PCSK2: variants seen among roughly 807,000 people sequenced by gnomAD.
PCSK2 encodes proprotein convertase subtilisin/kexin type 2, also known as neuroendocrine convertase 2.
PCSK2 carries 14 observed loss-of-function variants against 69.7 expected under a neutral mutation model. The ratio of observed to expected loss-of-function variants is 0.20; its 90% CI spans 0.13 to 0.31. PCSK2 has a LOEUF of 0.31. Ranked by LOEUF, PCSK2 falls within the 10% of genes least tolerant of loss-of-function variation. The pLI is 1.00. For synonymous variants in PCSK2, 307 were observed against 320.7 expected (o/e 0.96, Z 0.46); for missense variants, 544 against 842.5 (o/e 0.65, Z 4.39).
At chr20:17,303,461 A>G (rs1568593378) in intron 2 of PCSK2, among the ~76,000 whole-genome samples, 1 of 60,066 alleles carries the variant, frequency 1.7e-5, no homozygotes, top group African/African-American at 7.1e-5. Context: ...TATATTAAAT[A>G]TAATATATAT....
intron 2 of PCSK2, among the ~76,000 whole-genome samples, chr20:17,292,680 A>G (rs192197094): frequency 6.6e-6 from 1 of 152,180 alleles, no homozygotes; most frequent in Non-Finnish European, 1.5e-5. Context: ...GGCATATCTC[A>G]ATTTATTCAC....
chr20:17,335,595 C>A (rs969286075), intron 2 of PCSK2, among the ~76,000 whole-genome samples: 2 of 152,014 alleles, frequency 1.3e-5, no homozygotes, highest in Non-Finnish European at 2.9e-5. Context: ...ACACCCATCA[C>A]CCGAGCATTG....
upstream of PCSK2, chr20:17,226,520 T>TGAGAGAGAGAGAAAGAGA (rs1336612313): frequency 7.6e-6 from 1 of 132,098 alleles, no homozygotes; most frequent in African/African-American, 3.2e-5. Flanking sequence ...TGTGTGTGTT[T>TGAGAGAGAGAGAAAGAGA]GAGAGAGAGA....
rs79682692 is a variant in PCSK2, at chr20:17,341,301, C to T, written c.283-17026C>T. ...ATTGAATCTCTTCCTACCCTTACTG[C>T]ATATTTCTCTGACATTCTGAACAAA... On this transcript the variant is annotated intron_variant, in intron 2 of 11. Coordinates refer to ENST00000262545, the MANE Select transcript of PCSK2 (RefSeq NM_002594.5). 5.7e-4 allele frequency among the ~76,000 whole-genome samples: 87 copies of T among 152,276 alleles called. 2 individuals are homozygous for T. The East Asian group carries it at 0.017, about 29-fold the overall frequency.
chr20:17,244,842 T>A (rs1441010689), intron 1 of PCSK2, among the ~76,000 whole-genome samples: 1 of 152,210 alleles, frequency 6.6e-6, no homozygotes, highest in Non-Finnish European at 1.5e-5. Context: ...CACAAAGAAC[T>A]TTAAGTAAGC....
chr20:17,377,481 A>T (rs1413957603), intron 5 of PCSK2, among the ~76,000 whole-genome samples: 1 of 152,270 alleles, frequency 6.6e-6, no homozygotes, highest in East Asian at 1.9e-4. Flanking sequence ...AAAGGGCGAC[A>T]GCAAGAAACC....
rs148419634 is a variant in PCSK2 at position 17,337,025 on chromosome 20, C to T, written c.283-21302C>T. Among the ~76,000 whole-genome samples, 1,071 of 152,274 alleles carry T rather than the reference C, an allele frequency of 7.0e-3. 4 individuals carry two copies. The highest frequency in any genetic ancestry group is 0.01 in the Middle Eastern group (3 of 294). Reference sequence around the variant, plus strand: ...GGACATCCAAGAAACCATGCATCAACATTAGGTTGCTATTGACACCCAAGG... The same window carrying T: ...GGACATCCAAGAAACCATGCATCAATATTAGGTTGCTATTGACACCCAAGG... On this transcript the variant is annotated intron_variant, in intron 2 of 11. Coordinates refer to ENST00000262545, the MANE Select transcript of PCSK2 (RefSeq NM_002594.5).
chr20:17,349,583 C>A (rs942175727), intron 2 of PCSK2, among the ~76,000 whole-genome samples: 1 of 152,178 alleles, frequency 6.6e-6, no homozygotes, highest in African/African-American at 2.4e-5. Flanking sequence ...TATCTTCAGC[C>A]CTAATCCTGT....
intron 1 of PCSK2, among the ~76,000 whole-genome samples, chr20:17,253,191 AATAG>A (rs1465166027): frequency 6.6e-6 from 1 of 152,218 alleles, no homozygotes; most frequent in African/African-American, 2.4e-5. Context: ...TAGCATTTTT[AATAG>A]CAAATTGATT....
At chr20:17,262,484 A>G (rs1221845177) in intron 2 of PCSK2, among the ~76,000 whole-genome samples, 3 of 152,184 alleles carry the variant, frequency 2.0e-5, no homozygotes, top group Admixed American at 1.3e-4. Flanking sequence ...AAAACTGCTA[A>G]TGATGACTGC....
At chr20:17,276,287 C>T (rs1411545264) in intron 2 of PCSK2, among the ~76,000 whole-genome samples, 1 of 152,096 alleles carries the variant, frequency 6.6e-6, no homozygotes, top group African/African-American at 2.4e-5. Context: ...TCTCAAATCC[C>T]TCAGAGGCAT....
At chr20:17,352,635 T>G (rs536160266) in intron 2 of PCSK2, among the ~76,000 whole-genome samples, 117 of 152,358 alleles carry the variant, frequency 7.7e-4, no homozygotes, top group African/African-American at 2.7e-3. Flanking sequence ...CTAGGATAAC[T>G]GTCTAGCCGT....
chr20:17,448,283 T>C (rs1470672809), intron 8 of PCSK2, among the ~76,000 whole-genome samples: 4 of 152,218 alleles, frequency 2.6e-5, no homozygotes, highest in African/African-American at 4.8e-5. Flanking sequence ...GTGGAGGGAC[T>C]GACTCACTTT....
At chr20:17,335,462 T>TG (rs1555789125) in intron 2 of PCSK2, among the ~76,000 whole-genome samples, 3 of 151,126 alleles carry the variant, frequency 2.0e-5, no homozygotes, top group African/African-American at 4.9e-5. Context: ...TGTGTGTGTG[T>TG]TCCTTGTCTA....
intron 2 of PCSK2, among the ~76,000 whole-genome samples, chr20:17,293,377 C>CTGT (rs1213514528): frequency 6.6e-6 from 1 of 152,186 alleles, no homozygotes; most frequent in African/African-American, 2.4e-5. Flanking sequence ...TGAATAATAG[C>CTGT]TGTCAGTGTG....
rs891862595 is a variant in PCSK2, at chr20:17,481,597, A to C, written c.1444A>C (p.Thr482Pro). The C allele has an allele frequency of 6.2e-7, 1 of 1,613,724 alleles. No individual in the cohort carries two copies. The highest frequency in any genetic ancestry group is 8.5e-7 in the Non-Finnish European group (1 of 1,179,838). ...CTCTGCCCTCAGGAAAATACCATCC[A>C]CTGGCAAGTTGGTGCTGACACTCAC... is the stretch of plus-strand genomic sequence containing the variant. ...SVQDPEKIPS[T>P]GKLVLTLTTD... The change falls in exon 12 of 12, where the codon ACT becomes CCT. Residue 482 changes from threonine (T) to proline (P), a missense_variant. Physicochemically the swap from Thr to Pro is conservative, Grantham distance 38 (BLOSUM62 -1). Coordinates refer to ENST00000262545, the MANE Select transcript of PCSK2 (RefSeq NM_002594.5).
chr20:17,250,462 G>A (rs544991121), intron 1 of PCSK2, among the ~76,000 whole-genome samples: 3 of 152,192 alleles, frequency 2.0e-5, no homozygotes, highest in Non-Finnish European at 2.9e-5. Context: ...AACTTAGATC[G>A]CTTGGGTAAA....
At chr20:17,427,540 C>G (rs113426167) in intron 6 of PCSK2, among the ~76,000 whole-genome samples, 35 of 152,196 alleles carry the variant, frequency 2.3e-4, no homozygotes, top group Non-Finnish European at 4.7e-4. Flanking sequence ...TCCCTCTAGC[C>G]TTGTTCATTC....
intron 2 of PCSK2, among the ~76,000 whole-genome samples, chr20:17,296,212 G>A (rs1020719302): frequency 2.6e-5 from 4 of 152,178 alleles, no homozygotes; most frequent in Non-Finnish European, 5.9e-5. Context: ...TGGCAATGGT[G>A]AGTGCCAAGG....
Sources: allele counts gnomAD v4.1 joint callset (sites outside exome capture counted in the v4.1 genomes callset), GRCh38; gene constraint gnomAD v4.1.1; transcripts MANE v1.5; gene names NCBI Gene and HGNC (gene_info 2026-07-23, HGNC 2026-07-21).